PRKN: variants seen among roughly 807,000 people sequenced by gnomAD.
PRKN encodes the protein parkin RBR E3 ubiquitin protein ligase, also known as E3 ubiquitin-protein ligase parkin.
In PRKN, 56 loss-of-function variants were observed where a neutral mutation model predicts 59.5. The ratio of observed to expected loss-of-function variants is 0.94; its 90% CI spans 0.76 to 1.18. The LOEUF (loss-of-function observed/expected upper bound fraction) is 1.18, where lower values mean the gene tolerates loss of function less well. Among genes scored for constraint, PRKN ranks in the 50% most tolerant of loss-of-function variants. The pLI, the probability that PRKN is intolerant of heterozygous loss-of-function variation, is 0.00. For synonymous variants in PRKN, 250 were observed against 222.1 expected, an observed-to-expected ratio of 1.13 and a Z score of -1.12; for missense variants, 657 against 596.4, an observed-to-expected ratio of 1.10 and a Z score of -1.06.
At chr6:161,682,420 T>A (rs1335419602) in intron 7 of PRKN, among the ~76,000 whole-genome samples, 1 of 152,116 alleles carries the variant, frequency 6.6e-6, no homozygotes, top group African/African-American at 2.4e-5. Context: ...AAGTTTGTGG[T>A]TTAAATTTTG....
At chr6:162,284,087 C>T (rs1394462330) in intron 2 of PRKN, among the ~76,000 whole-genome samples, 2 of 151,892 alleles carry the variant, frequency 1.3e-5, no homozygotes, top group Non-Finnish European at 2.9e-5. Context: ...AGCCTAAATG[C>T]AAAGAAGGAA....
At chr6:161,879,286 G>T (rs555999123) in intron 6 of PRKN, among the ~76,000 whole-genome samples, 1 of 150,064 alleles carries the variant, frequency 6.7e-6, no homozygotes, top group African/African-American at 2.5e-5. Context: ...ATTACCAAGT[G>T]TATGGGAAGT....
At chr6:161,850,529 T>C (rs1390599264) in intron 6 of PRKN, among the ~76,000 whole-genome samples, 1 of 139,016 alleles carries the variant, frequency 7.2e-6, no homozygotes, top group Admixed American at 7.7e-5. Flanking sequence ...TGAGCTGAGA[T>C]TGCACCACTG....
chr6:161,682,739 C>G (rs1368792814), intron 7 of PRKN, among the ~76,000 whole-genome samples: 1 of 152,172 alleles, frequency 6.6e-6, no homozygotes, highest in Non-Finnish European at 1.5e-5. Context: ...GAGGGCCGCT[C>G]TGCAAGACGC....
At chr6:162,621,432 G>T (rs1406470753) in intron 1 of PRKN, among the ~76,000 whole-genome samples, 1 of 152,166 alleles carries the variant, frequency 6.6e-6, no homozygotes, top group Non-Finnish European at 1.5e-5. Context: ...ATAACGGCAT[G>T]TGAGTTCACC....
At chr6:161,567,201 G>A (rs774060008) in intron 8 of PRKN, among the ~76,000 whole-genome samples, 3 of 151,798 alleles carry the variant, frequency 2.0e-5, no homozygotes, top group African/African-American at 2.4e-5. Context: ...ACCATGCCTG[G>A]CTAATATTTT....
chr6:162,322,957 A>T (rs1209515490), intron 2 of PRKN, among the ~76,000 whole-genome samples: 1 of 151,528 alleles, frequency 6.6e-6, no homozygotes, highest in African/African-American at 2.4e-5. Context: ...CATTCTCAGT[A>T]AACTATCACA....
At chr6:162,470,989 G>A (rs1791705754) in intron 1 of PRKN, among the ~76,000 whole-genome samples, 1 of 151,934 alleles carries the variant, frequency 6.6e-6, no homozygotes, top group Non-Finnish European at 1.5e-5. Flanking sequence ...TCAAACTCCT[G>A]ACCTTAGGTG....
At chr6:161,907,384 C>T (rs953019179) in intron 6 of PRKN, among the ~76,000 whole-genome samples, 2 of 152,172 alleles carry the variant, frequency 1.3e-5, no homozygotes, top group African/African-American at 4.8e-5. Context: ...CAATCAGCAT[C>T]TCAACTCCTA....
chr6:161,403,102 A>G (rs1196375565), intron 9 of PRKN, among the ~76,000 whole-genome samples: 2 of 152,076 alleles, frequency 1.3e-5, no homozygotes, highest in Admixed American at 6.6e-5. Context: ...GCTGAATAAC[A>G]ATGGAGAGTG....
chr6:162,672,031 G>C (rs567638735), intron 1 of PRKN, among the ~76,000 whole-genome samples: 1 of 151,968 alleles, frequency 6.6e-6, no homozygotes, highest in Non-Finnish European at 1.5e-5. Flanking sequence ...GACAGAGAGT[G>C]GGGCCAGACA....
At chr6:161,820,506 T>C (rs1791976707) in intron 6 of PRKN, among the ~76,000 whole-genome samples, 2 of 147,824 alleles carry the variant, frequency 1.4e-5, no homozygotes, top group African/African-American at 2.4e-5. Flanking sequence ...ATATACTATG[T>C]AATTTTTCAT....
intron 6 of PRKN, among the ~76,000 whole-genome samples, chr6:161,791,140 G>T (rs1352429046): frequency 6.6e-6 from 1 of 152,148 alleles, no homozygotes; most frequent in African/African-American, 2.4e-5. Flanking sequence ...GTAAATTAAA[G>T]GTTAAGTAAA....
At chr6:161,956,103 G>T (rs1396994087) in intron 6 of PRKN, among the ~76,000 whole-genome samples, 1 of 152,150 alleles carries the variant, frequency 6.6e-6, no homozygotes, top group African/African-American at 2.4e-5. Flanking sequence ...GTCCATATGT[G>T]ATCAGCACTG....
chr6:161,993,794 G>A (rs1386923339), intron 5 of PRKN, among the ~76,000 whole-genome samples: 1 of 152,176 alleles, frequency 6.6e-6, no homozygotes, highest in Non-Finnish European at 1.5e-5. Context: ...CCTGCTTCTG[G>A]TGAAGGGCTC....
At chr6:162,226,904 T>C (rs1243061181) in intron 3 of PRKN, among the ~76,000 whole-genome samples, 1 of 152,162 alleles carries the variant, frequency 6.6e-6, no homozygotes, top group Non-Finnish European at 1.5e-5. Context: ...TCCAGTCCCC[T>C]CCTTGGTATA....
intron 1 of PRKN, chr6:162,694,853 T>G (rs1777912590): frequency 6.6e-6 from 1 of 152,232 alleles, no homozygotes; most frequent in Non-Finnish European, 1.5e-5. Flanking sequence ...ACAGTAGGCA[T>G]TGTCCTTGCC....
intron 6 of PRKN, among the ~76,000 whole-genome samples, chr6:161,885,862 G>A (rs1157580080): frequency 1.3e-5 from 2 of 152,148 alleles, no homozygotes; most frequent in Non-Finnish European, 2.9e-5. Context: ...CAGACTCTAT[G>A]TCCCAAGTTT....
rs112674138 is a variant in PRKN at position 162,723,990 on chromosome 6, G to A, written c.7+3672C>T. ...AATCTTCTTAAAAGTCTAAGACACTGAATGTGTATTTCAATACTGACAACA... is the reference window on the plus strand; with the variant it reads ...AATCTTCTTAAAAGTCTAAGACACTAAATGTGTATTTCAATACTGACAACA... On this transcript the variant is annotated intron_variant, in intron 1 of 11. Coordinates refer to ENST00000366898, the MANE Select transcript of PRKN (RefSeq NM_004562.3). Among the ~76,000 whole-genome samples, 111 of 152,152 alleles carry A rather than the reference G, an allele frequency of 7.3e-4. 1 individual carries two copies. The highest frequency in any genetic ancestry group is 1.8e-4 in the Non-Finnish European group (12 of 68,030).
Sources: gnomAD v4.1 joint callset for allele counts (sites outside exome capture counted in the v4.1 genomes callset) on GRCh38, gnomAD v4.1.1 for gene constraint, MANE v1.5 for transcripts, NCBI Gene and HGNC (gene_info 2026-07-23, HGNC 2026-07-21) for gene names.